The following PCDHGB2 variants were observed in gnomAD, a reference collection of about 807,000 sequenced individuals.
PCDHGB2 encodes protocadherin gamma-B2.
A neutral mutation model predicts 59.3 loss-of-function variants in PCDHGB2; 55 were observed. That is an observed-to-expected ratio of 0.93 (90% CI 0.75 to 1.16). The LOEUF is 1.16. PCDHGB2 is among the 50% of genes most tolerant of loss of function. The pLI is 0.00. For missense variants in PCDHGB2, 1,228 were observed against 1,198.5 expected, an observed-to-expected ratio of 1.02 and a Z score of -0.36; for synonymous variants, 516 against 512.0, an observed-to-expected ratio of 1.01 and a Z score of -0.11.
chr5:141,385,108 A>C, intron 1 of PCDHGB2: 1 of 1,614,126 alleles, frequency 6.2e-7, no homozygotes, highest in Non-Finnish European at 8.5e-7. Flanking sequence ...GAACGTGCCC[A>C]CCTCGCACTT....
intron 1 of PCDHGB2, chr5:141,387,565 T>C: frequency 2.3e-6 from 1 of 437,244 alleles, no homozygotes; most frequent in Non-Finnish European, 4.0e-6. Flanking sequence ...AGGCACACAA[T>C]TATAATTATT....
chr5:141,475,938 G>T (rs756781296), intron 1 of PCDHGB2: 22 of 682,776 alleles, frequency 3.2e-5, no homozygotes, highest in African/African-American at 7.2e-5. Flanking sequence ...GCCCCTGCCC[G>T]TCCCCTTTCT....
rs533830391 is a variant in PCDHGB2, at chr5:141,492,559, C to T, written c.2422-2248C>T. 4.6e-5 allele frequency among the ~76,000 whole-genome samples: 7 copies of T among 152,292 alleles called. No homozygotes were observed. The East Asian group carries it at 1.4e-3, about 29-fold the overall frequency. The stretch of plus-strand genomic sequence containing the variant: ...GGGCTGGGCCGGGTCGCCTGGGGGG[C>T]GGCCTGAGCGAGGCGCGGGGCCAGG... On this transcript the variant is annotated intron_variant, in intron 1 of 3. Coordinates refer to ENST00000522605, the MANE Select transcript of PCDHGB2 (RefSeq NM_018923.3).
intron 1 of PCDHGB2, chr5:141,419,512 G>T (rs754877872): frequency 3.7e-6 from 6 of 1,612,296 alleles, no homozygotes; most frequent in South Asian, 1.1e-5. Context: ...TGCGCGTGTT[G>T]GTGGGCGACC....
At chr5:141,374,310 C>G (rs770058469) in intron 1 of PCDHGB2, 4 of 1,614,006 alleles carry the variant, frequency 2.5e-6, no homozygotes, top group South Asian at 1.1e-5. Flanking sequence ...CAGCTTTTCT[C>G]TCTGAATCCG....
chr5:141,415,001 C>G (rs1326591845), intron 1 of PCDHGB2: 2 of 1,613,712 alleles, frequency 1.2e-6, no homozygotes, highest in Non-Finnish European at 1.7e-6. Context: ...GCCTGGCTGT[C>G]CTACCGTCTG....
At chr5:141,454,838 C>T (rs1472341694) in intron 1 of PCDHGB2, among the ~76,000 whole-genome samples, 7 of 100,814 alleles carry the variant, frequency 6.9e-5, no homozygotes, top group Non-Finnish European at 1.1e-4. Flanking sequence ...GACAGAGTCG[C>T]GCTCTGTCAC....
In PCDHGB2 at chr5:141,362,265, A is replaced by G. The variant is rs1450907640; in HGVS notation, c.2130A>G (p.Ala710=). The G allele has an allele frequency of 4.3e-6, 7 of 1,613,868 alleles. No homozygotes were observed. The Admixed American group carries it at 6.7e-5, about 15-fold the overall frequency. Residue 710 remains alanine, a synonymous_variant, in exon 1 of 4, where the codon GCA becomes GCG. Transcript: ENST00000522605. ...TCTTCTTCCTCGCGGTGATTCTGGCAATCTCCCTGCGCCTGCGACTCTCTT... is the reference window on the plus strand; with the variant it reads ...TCTTCTTCCTCGCGGTGATTCTGGCGATCTCCCTGCGCCTGCGACTCTCTT... ...SVLFFLAVIL[A]ISLRLRLSSR...
intron 1 of PCDHGB2, among the ~76,000 whole-genome samples, chr5:141,435,651 C>T (rs762264332): frequency 1.4e-4 from 22 of 152,044 alleles, no homozygotes; most frequent in Non-Finnish European, 2.9e-4. Flanking sequence ...ATTTCTGAAA[C>T]GTGCACAGAT....
At chr5:141,372,522 G>T in intron 1 of PCDHGB2, 1 of 1,613,986 alleles carries the variant, frequency 6.2e-7, no homozygotes, top group Non-Finnish European at 8.5e-7. Context: ...GGTGATTCTG[G>T]CAATCTCCCT....
At chr5:141,416,287 T>A (rs2096012467) in intron 1 of PCDHGB2, 1 of 152,276 alleles carries the variant, frequency 6.6e-6, no homozygotes, top group Admixed American at 6.5e-5. Flanking sequence ...ATTCTCTAAT[T>A]TCACACTGCT....
intron 1 of PCDHGB2, among the ~76,000 whole-genome samples, chr5:141,451,717 A>G (rs2098722445): frequency 6.6e-6 from 1 of 152,166 alleles, no homozygotes; most frequent in Non-Finnish European, 1.5e-5. Context: ...CCCTGCCTCT[A>G]CTAAAAATAC....
In PCDHGB2 at chr5:141,491,715, G is replaced by A. The variant is rs1333909488; in HGVS notation, c.2422-3092G>A. 1 of 1,607,782 alleles carries A rather than the reference G, an allele frequency of 6.2e-7. No individual in the cohort carries two copies. Among genetic ancestry groups the A allele is most frequent in the Admixed American group, 1.7e-5 (1 of 58,966 alleles). On this transcript the variant is annotated intron_variant, in intron 1 of 3. Transcript: ENST00000522605. This position sits in a 1 kb window ranked among gnomAD's most constrained non-coding sequence, Gnocchi z 6.9. ...AGCGGAGCCAGGTGAGGGGCTCGGC[G>A]CCGCCCCGGGCGACCCCTGGGGGCG...
At chr5:141,499,451 T>A (rs1378621877) in intron 2 of PCDHGB2, among the ~76,000 whole-genome samples, 3 of 152,130 alleles carry the variant, frequency 2.0e-5, no homozygotes, top group Non-Finnish European at 4.4e-5. Flanking sequence ...AAACCACCCA[T>A]CATTTTACAA....
intron 1 of PCDHGB2, among the ~76,000 whole-genome samples, chr5:141,439,224 T>C (rs989512996): frequency 2.2e-4 from 33 of 152,030 alleles, no homozygotes; most frequent in Middle Eastern, 3.4e-3. Context: ...TGAAAATTCT[T>C]AGAAGCTTCC....
At chr5:141,475,657 C>T (rs2099366732) in intron 1 of PCDHGB2, among the ~76,000 whole-genome samples, 1 of 152,204 alleles carries the variant, frequency 6.6e-6, no homozygotes, top group Non-Finnish European at 1.5e-5. Flanking sequence ...GAAAGTGATT[C>T]AAATGTTTAA....
chr5:141,501,419 C>A (rs910783867), intron 2 of PCDHGB2, among the ~76,000 whole-genome samples: 1 of 151,920 alleles, frequency 6.6e-6, no homozygotes, highest in Non-Finnish European at 1.5e-5. Flanking sequence ...AAATAGTTGA[C>A]TAAATGTAGT....
At chr5:141,421,873 T>G (rs1219669838) in intron 1 of PCDHGB2, 3 of 1,613,592 alleles carry the variant, frequency 1.9e-6, no homozygotes, top group Non-Finnish European at 2.5e-6. Context: ...CCTCACAGCT[T>G]TAGATGGAGG....
intron 1 of PCDHGB2, among the ~76,000 whole-genome samples, chr5:141,472,445 C>T (rs2099280467): frequency 6.6e-6 from 1 of 151,956 alleles, no homozygotes; most frequent in Non-Finnish European, 1.5e-5. Flanking sequence ...GAGGCTGAGG[C>T]AGGAGAATCG....
Sources: allele counts gnomAD v4.1 joint callset (sites outside exome capture counted in the v4.1 genomes callset), GRCh38; gene constraint gnomAD v4.1.1; non-coding constraint Gnocchi (gnomAD v3.1); transcripts MANE v1.5; gene names NCBI Gene and HGNC (gene_info 2026-07-23, HGNC 2026-07-21).